The following HTR2C variants were observed in gnomAD, a reference collection of about 807,000 sequenced individuals.
HTR2C encodes 5-hydroxytryptamine receptor 2C.
HTR2C carries 5 observed loss-of-function variants against 21.0 expected under a neutral mutation model. The observed-to-expected ratio is 0.24, with a 90% CI of 0.12 to 0.50. The LOEUF (loss-of-function observed/expected upper bound fraction) is 0.50, where lower values mean the gene tolerates loss of function less well. Ranked by LOEUF, HTR2C falls within the 20% of genes least tolerant of loss-of-function variation. The probability of loss-of-function intolerance (pLI) is 0.98; values close to 1 mark genes in which losing one functional copy is unlikely to be tolerated. For missense variants in HTR2C, 271 were observed against 371.2 expected (o/e 0.73, Z 2.22); for synonymous variants, 150 against 145.3 (o/e 1.03, Z -0.23).
chrX:114,881,328 T>G (rs1258515199), intron 5 of HTR2C, among the ~76,000 whole-genome samples: 1 of 110,744 alleles, frequency 9.0e-6, no homozygotes, highest in Non-Finnish European at 1.9e-5. Context: ...ATTTGCAGTG[T>G]AAAATTTTTT....
intron 5 of HTR2C, among the ~76,000 whole-genome samples, chrX:114,871,226 T>C (rs1556476463): frequency 8.9e-6 from 1 of 111,961 alleles, no homozygotes; most frequent in Non-Finnish European, 1.9e-5. Flanking sequence ...CATGTACTTG[T>C]ATAGTTTCCA....
rs1203393758 is a variant in HTR2C at position 114,629,190 on chromosome X, A to G, written c.-80+15309A>G. ...TTTGTATCTTTCCCTTCAATTTGCTATTATTCTAGAATTTTAGGGGAGAAA... is the reference window on the plus strand; with the variant it reads ...TTTGTATCTTTCCCTTCAATTTGCTGTTATTCTAGAATTTTAGGGGAGAAA... On this transcript the variant is annotated intron_variant, in intron 2 of 5. Transcript: ENST00000276198. Among the ~76,000 whole-genome samples, 5 of 111,836 alleles carry G rather than the reference A, an allele frequency of 4.5e-5. No individual in the cohort carries two copies. The Admixed American group carries it at 4.8e-4, about 11-fold the overall frequency.
chrX:114,794,114 A>G (rs1345466992), intron 4 of HTR2C, among the ~76,000 whole-genome samples: 2 of 111,387 alleles, frequency 1.8e-5, no homozygotes, highest in Non-Finnish European at 3.8e-5. Context: ...TGCCTCAATC[A>G]GAAAATAACA....
intron 5 of HTR2C, among the ~76,000 whole-genome samples, chrX:114,870,096 AT>A (rs199741683): frequency 8.5e-5 from 9 of 105,501 alleles, no homozygotes; most frequent in African/African-American, 2.8e-4. Context: ...TATTATTATT[AT>A]TTTTTTTGAG....
intron 2 of HTR2C, among the ~76,000 whole-genome samples, chrX:114,676,276 A>G (rs978590095): frequency 3.6e-5 from 4 of 112,155 alleles, no homozygotes; most frequent in South Asian, 3.7e-4. Flanking sequence ...TAATGCATAT[A>G]GAAAAAAACC....
In HTR2C at chrX:114,814,777, A is replaced by C. The variant is rs186886349; in HGVS notation, c.350-33226A>C. On this transcript the variant is annotated intron_variant, in intron 4 of 5. Coordinates refer to ENST00000276198, the MANE Select transcript of HTR2C (RefSeq NM_000868.4). The stretch of plus-strand genomic sequence containing the variant: ...GTATATATATTATAGTATATATAAT[A>C]ATATTATATAGTATATATCATATAG... 5.9e-5 allele frequency among the ~76,000 whole-genome samples: 6 copies of C among 101,800 alleles called. No individual in the cohort carries two copies. The East Asian group carries it at 1.8e-3, about 30-fold the overall frequency. 88.4% of individuals were successfully genotyped at this position (101,800 alleles called of 115,157 possible). A position where few individuals can be genotyped will look rare whatever the true frequency, so the allele number is the denominator to read the frequency against.
At chrX:114,620,857 G>A (rs1052604800) in intron 2 of HTR2C, among the ~76,000 whole-genome samples, 4 of 111,575 alleles carry the variant, frequency 3.6e-5, no homozygotes, top group Admixed American at 9.6e-5. Flanking sequence ...CAGTCAGTCT[G>A]GGGAGGAATC....
At chrX:114,887,862 A>T (rs1230586228) in intron 5 of HTR2C, among the ~76,000 whole-genome samples, 1 of 110,341 alleles carries the variant, frequency 9.1e-6, no homozygotes, top group South Asian at 3.9e-4. Context: ...TCTACTAAAA[A>T]AATTAGCTGG....
intron 4 of HTR2C, among the ~76,000 whole-genome samples, chrX:114,745,815 TG>T (rs1254054505): frequency 4.6e-5 from 5 of 108,914 alleles, no homozygotes; most frequent in African/African-American, 6.7e-5. Flanking sequence ...GGAAGGGTAG[TG>T]GGGGGGGATG....
intron 4 of HTR2C, among the ~76,000 whole-genome samples, chrX:114,830,032 G>A (rs1291577524): frequency 9.0e-6 from 1 of 111,371 alleles, no homozygotes; most frequent in South Asian, 3.7e-4. Context: ...GGTTTTGATA[G>A]GGATTGCATT....
In HTR2C at chrX:114,906,789, G is replaced by C. The variant is rs782100644; in HGVS notation, c.751G>C (p.Gly251Arg). The C allele has an allele frequency of 1.7e-6, 2 of 1,210,838 alleles. No homozygotes were observed. Among genetic ancestry groups the C allele is most frequent in the Admixed American group, 2.2e-5 (1 of 45,912 alleles). ...LRRQALMLLH[G>R]HTEEPPGLSL... ...CCGACAAGCTTTGATGTTACTGCAC[G>C]GCCACACCGAGGAACCGCCTGGACT... Residue 251 changes from glycine to arginine, a missense_variant, in exon 6 of 6, where the codon GGC becomes CGC. This residue lies in a region of HTR2C where 192 missense variants were observed against 247.2 expected (regional missense o/e 0.78). Transcript: ENST00000276198.
At chrX:114,774,132 G>T (rs1352682833) in intron 4 of HTR2C, among the ~76,000 whole-genome samples, 1 of 112,099 alleles carries the variant, frequency 8.9e-6, no homozygotes, top group African/African-American at 3.2e-5. Flanking sequence ...GCTTATGAGG[G>T]AGTTTATAAT....
intron 2 of HTR2C, among the ~76,000 whole-genome samples, chrX:114,706,258 C>T (rs1311990058): frequency 4.6e-5 from 3 of 65,012 alleles, no homozygotes; most frequent in Non-Finnish European, 8.4e-5. Context: ...CACATGCACA[C>T]GTATGTTTAT....
At chrX:114,693,855 C>A (rs782176975) in intron 2 of HTR2C, among the ~76,000 whole-genome samples, 14 of 111,112 alleles carry the variant, frequency 1.3e-4, no homozygotes, top group Admixed American at 4.8e-4. Flanking sequence ...TGTGGAGATA[C>A]GTAGAAAAAT....
rs200048560 is a variant in HTR2C, at chrX:114,907,764, G to T, written c.*349G>T. On this transcript the variant is annotated 3_prime_UTR_variant, in exon 6 of 6. Transcript: ENST00000276198. Reference sequence around the variant, plus strand: ...TTCATGTTCATCTCAGGTGGCATTTGCAGGTGACCAGAATGAGGCACATGA... The same window carrying T: ...TTCATGTTCATCTCAGGTGGCATTTTCAGGTGACCAGAATGAGGCACATGA... The T allele has an allele frequency of 1.8e-5, 3 of 169,035 alleles. No individual in the cohort carries two copies. Among genetic ancestry groups the T allele is most frequent in the Non-Finnish European group, 3.3e-5 (3 of 90,104 alleles). The allele number at this position is 169,035 out of a possible 1,213,427, so 13.9% of individuals were successfully genotyped here.
At chrX:114,704,073 T>C (rs1187676994) in intron 2 of HTR2C, among the ~76,000 whole-genome samples, 1 of 111,529 alleles carries the variant, frequency 9.0e-6, no homozygotes, top group Non-Finnish European at 1.9e-5. Flanking sequence ...ATCAATAGCT[T>C]ATCAAGCAAA....
At chrX:114,766,474 A>G (rs1252939739) in intron 4 of HTR2C, among the ~76,000 whole-genome samples, 1 of 111,108 alleles carries the variant, frequency 9.0e-6, no homozygotes, top group Non-Finnish European at 1.9e-5. Flanking sequence ...ATAAAAGAAA[A>G]CTTGCTTAGA....
intron 4 of HTR2C, among the ~76,000 whole-genome samples, chrX:114,785,993 A>G (rs1163192634): frequency 8.9e-6 from 1 of 112,438 alleles, no homozygotes; most frequent in South Asian, 3.6e-4. Flanking sequence ...ATAAGAAAAT[A>G]GCAAACAATG....
intron 1 of HTR2C, among the ~76,000 whole-genome samples, chrX:114,604,704 A>T (rs1928319734): frequency 9.0e-6 from 1 of 110,918 alleles, no homozygotes; most frequent in Admixed American, 9.5e-5. Flanking sequence ...GACACGGCTT[A>T]GGAGGAATCC....
Sources: gnomAD v4.1 joint callset for allele counts (sites outside exome capture counted in the v4.1 genomes callset) on GRCh38, gnomAD v4.1.1 for gene constraint, gnomAD v4.1.1 regional missense constraint, MANE v1.5 for transcripts, NCBI Gene and HGNC (gene_info 2026-07-23, HGNC 2026-07-21) for gene names.